Variants in ROBO2 observed in about 807,000 individuals in gnomAD.
The protein encoded by ROBO2 is roundabout guidance receptor 2.
A neutral mutation model predicts 160.8 loss-of-function variants in ROBO2; 53 were observed. That is an observed-to-expected ratio of 0.33 (90% CI 0.26 to 0.41). The LOEUF (loss-of-function observed/expected upper bound fraction) is 0.41. Ranked by LOEUF, ROBO2 falls within the 10% of genes least tolerant of loss-of-function variation. The pLI is 1.00. For synonymous variants in ROBO2, 664 were observed against 611.7 expected (o/e 1.09, Z -1.26); for missense variants, 1,577 against 1,722.4 (o/e 0.92, Z 1.49).
chr3:77,481,265 T>C, intron 4 of ROBO2, 46 bp downstream of exon 4: 2 of 1,450,814 alleles, frequency 1.4e-6, no homozygotes, highest in Non-Finnish European at 1.8e-6. Flanking sequence ...TATCAATTTT[T>C]CTTTGCTTTT....
intron 2 of ROBO2, among the ~76,000 whole-genome samples, chr3:76,287,846 A>G (rs1708587847): frequency 6.6e-6 from 1 of 152,228 alleles, no homozygotes; most frequent in South Asian, 2.1e-4. Context: ...ACTCATATTA[A>G]GTGCTATGTA....
chr3:76,600,119 A>G (rs1236633149), intron 2 of ROBO2, among the ~76,000 whole-genome samples: 3 of 152,174 alleles, frequency 2.0e-5, no homozygotes, highest in African/African-American at 7.2e-5. Context: ...ATATTTGCCC[A>G]TTCCTATGTA....
intron 2 of ROBO2, among the ~76,000 whole-genome samples, chr3:76,880,687 TG>T (rs1381293327): frequency 6.6e-6 from 1 of 152,152 alleles, no homozygotes; most frequent in African/African-American, 2.4e-5. Flanking sequence ...TTCTCATATA[TG>T]ATCCTTAACA....
intron 2 of ROBO2, among the ~76,000 whole-genome samples, chr3:76,841,564 T>C (rs1392545730): frequency 6.6e-6 from 1 of 152,166 alleles, no homozygotes; most frequent in Non-Finnish European, 1.5e-5. Context: ...TTCCTCTTTT[T>C]ACTGTACACG....
intron 2 of ROBO2, among the ~76,000 whole-genome samples, chr3:76,303,153 A>T (rs2107746648): frequency 6.6e-6 from 1 of 152,234 alleles, no homozygotes; most frequent in Non-Finnish European, 1.5e-5. Context: ...AGCATGTTTG[A>T]TGAGATTTCA....
intron 25 of ROBO2, among the ~76,000 whole-genome samples, chr3:77,645,223 A>G (rs568459059): frequency 3.9e-4 from 59 of 152,312 alleles, no homozygotes; most frequent in African/African-American, 1.3e-3. Context: ...AACTGAACAC[A>G]ATAAAGAAAT....
At chr3:76,358,823 A>C (rs1049148984) in intron 2 of ROBO2, among the ~76,000 whole-genome samples, 3 of 151,132 alleles carry the variant, frequency 2.0e-5, no homozygotes, top group Non-Finnish European at 4.4e-5. Context: ...GCACAATGTG[A>C]AGGTTAGTTA....
chr3:76,252,223 G>A (rs1362911796), intron 2 of ROBO2, among the ~76,000 whole-genome samples: 1 of 152,056 alleles, frequency 6.6e-6, no homozygotes, highest in Non-Finnish European at 1.5e-5. Context: ...ATGAATGGTG[G>A]TGAGCAGGCT....
At chr3:76,522,643 C>A (rs1389558303) in intron 2 of ROBO2, among the ~76,000 whole-genome samples, 2 of 152,122 alleles carry the variant, frequency 1.3e-5, no homozygotes, top group African/African-American at 2.4e-5. Flanking sequence ...AATTCACCTT[C>A]CTGGAATATC....
chr3:77,317,375 G>T, intron 2 of ROBO2: 2 of 1,000,342 alleles, frequency 2.0e-6, no homozygotes, highest in Non-Finnish European at 3.1e-6. Flanking sequence ...CTAGTGTATT[G>T]TCGGGGTTCC....
chr3:77,588,997 G>A lies in ROBO2; in HGVS notation c.2683+64G>A. 3 of 1,564,144 alleles carry A rather than the reference G, an allele frequency of 1.9e-6. No homozygotes were observed. The South Asian group carries it at 3.4e-5, about 17-fold the overall frequency. ...TAGGAATGTAATGAAATGAATGGAA[G>A]GAACAGAAAGGAATAACAAATGAGT... is the stretch of plus-strand genomic sequence containing the variant. On this transcript the variant is annotated intron_variant, in intron 17 of 25. Transcript: ENST00000461745.
chr3:76,555,358 GAGAAGAAGAAGAAGAA>G (rs1283099862), intron 2 of ROBO2, among the ~76,000 whole-genome samples: 3 of 57,982 alleles, frequency 5.2e-5, no homozygotes, highest in African/African-American at 1.6e-4. Context: ...AGTAGGAAGA[GAGAAGAAGAAGAAGAA>G]GAAGAAGAAG....
chr3:76,489,399 G>C (rs1404623297), intron 2 of ROBO2, among the ~76,000 whole-genome samples: 1 of 152,062 alleles, frequency 6.6e-6, no homozygotes, highest in Non-Finnish European at 1.5e-5. Context: ...CCAATAGCCT[G>C]AGCAAGCCAC....
chr3:76,020,383 T>G (rs1024074495), intron 2 of ROBO2, among the ~76,000 whole-genome samples: 3 of 151,928 alleles, frequency 2.0e-5, no homozygotes, highest in Non-Finnish European at 4.4e-5. Context: ...ATATTTGGAT[T>G]CATTACCATC....
intron 2 of ROBO2, among the ~76,000 whole-genome samples, chr3:75,985,729 C>T (rs1167914767): frequency 6.6e-6 from 1 of 151,564 alleles, no homozygotes; most frequent in African/African-American, 2.4e-5. Context: ...ATATATATCT[C>T]TAGAAACTAC....
At chr3:76,324,939 T>A (rs1358670934) in intron 2 of ROBO2, among the ~76,000 whole-genome samples, 1 of 152,134 alleles carries the variant, frequency 6.6e-6, no homozygotes, top group Non-Finnish European at 1.5e-5. Context: ...ACCCCGTCTC[T>A]AATAAAAATA....
chr3:76,324,529 C>G (rs981985937), intron 2 of ROBO2, among the ~76,000 whole-genome samples: 1 of 152,092 alleles, frequency 6.6e-6, no homozygotes, highest in Non-Finnish European at 1.5e-5. Context: ...TTCTTCAATC[C>G]GTTAAATTAC....
rs1213431125 is a variant in ROBO2, at chr3:77,108,344, A to G, written c.388+10004A>G. Among the ~76,000 whole-genome samples the G allele has an allele frequency of 2.0e-5, 3 of 151,634 alleles. No individual in the cohort carries two copies. The East Asian group carries it at 5.8e-4, about 29-fold the overall frequency. Reference sequence around the variant, plus strand: ...CATATGCATATATATATATGTATATATGATGTGATATTAGAGATGTGATCC... The same window carrying G: ...CATATGCATATATATATATGTATATGTGATGTGATATTAGAGATGTGATCC... On this transcript the variant is annotated intron_variant, in intron 2 of 25. Coordinates refer to ENST00000461745, the Ensembl canonical transcript of ROBO2.
In ROBO2 at chr3:76,411,678, T is replaced by C. The variant is rs143115354; in HGVS notation, c.109+474076T>C. Among the ~76,000 whole-genome samples, 1,060 of 152,306 alleles carry C rather than the reference T, an allele frequency of 7.0e-3. 4 individuals are homozygous for C. Among genetic ancestry groups the C allele is most frequent in the Non-Finnish European group, 0.012 (824 of 68,028 alleles). ...ATCTCATACATTATTACAGTTACAA[T>C]GGATATTTCTGATCCATATTCAGGT... On this transcript the variant is annotated intron_variant, in intron 2 of 26. Coordinates refer to the ROBO2 transcript ENST00000487694.
Sources: gnomAD v4.1 joint callset for allele counts (sites outside exome capture counted in the v4.1 genomes callset) on GRCh38, gnomAD v4.1.1 for gene constraint, MANE v1.5 for transcripts, NCBI Gene and HGNC (gene_info 2026-07-23, HGNC 2026-07-21) for gene names.